The following MARCHF8 variants were observed in gnomAD, a reference collection of about 807,000 sequenced individuals.
MARCHF8 encodes membrane associated ring-CH-type finger 8, also known as E3 ubiquitin-protein ligase MARCHF8.
A neutral mutation model predicts 51.6 loss-of-function variants in MARCHF8; 40 were observed. The ratio of observed to expected loss-of-function variants is 0.77; its 90% CI spans 0.60 to 1.01. The LOEUF (loss-of-function observed/expected upper bound fraction) is 1.01. Ranked by LOEUF, MARCHF8 falls within the 50% of genes least tolerant of loss-of-function variation. MARCHF8 has a pLI of 0.00. For missense variants in MARCHF8, 685 were observed against 708.6 expected, an observed-to-expected ratio of 0.97 and a Z score of 0.38; for synonymous variants, 263 against 280.3, an observed-to-expected ratio of 0.94 and a Z score of 0.62.
In MARCHF8 at chr10:45,581,345, T is replaced by C. The variant is rs570751025; in HGVS notation, c.-79+12890A>G. Among the ~76,000 whole-genome samples the C allele has an allele frequency of 5.9e-5, 9 of 152,186 alleles. No individual in the cohort carries two copies. The South Asian group carries it at 1.7e-3, about 28-fold the overall frequency. ...TACCACAGACTGATGCATCCACTAATACAGTGGAGTCTACTGCACAGTACA... is the reference window on the plus strand; with the variant it reads ...TACCACAGACTGATGCATCCACTAACACAGTGGAGTCTACTGCACAGTACA... On this transcript the variant is annotated intron_variant, in intron 1 of 6. Coordinates refer to the MARCHF8 transcript ENST00000319836.
At chr10:45,553,398 C>A (rs1368710385) in intron 1 of MARCHF8, among the ~76,000 whole-genome samples, 2 of 152,050 alleles carry the variant, frequency 1.3e-5, no homozygotes, top group Admixed American at 1.3e-4. Context: ...AGATTACTAC[C>A]CTAGATCACA....
intron 2 of MARCHF8, among the ~76,000 whole-genome samples, chr10:45,507,992 T>C (rs1009621413): frequency 6.6e-6 from 1 of 152,186 alleles, no homozygotes; most frequent in African/African-American, 2.4e-5. Context: ...GATTCTGTTT[T>C]ACCAAAATAG....
At chr10:45,464,547 T>C (rs946081404) in intron 3 of MARCHF8, among the ~76,000 whole-genome samples, 5 of 152,268 alleles carry the variant, frequency 3.3e-5, no homozygotes, top group African/African-American at 4.8e-5. Flanking sequence ...TCTAAGGCTA[T>C]GGAACACCAC....
chr10:45,470,436 C>G (rs1843135725), intron 3 of MARCHF8, among the ~76,000 whole-genome samples: 2 of 152,306 alleles, frequency 1.3e-5, no homozygotes, highest in African/African-American at 4.8e-5. Flanking sequence ...TCTGACTTCC[C>G]TTTCTGCCAC....
intron 1 of MARCHF8, among the ~76,000 whole-genome samples, chr10:45,565,078 GAC>G (rs1170802505): frequency 3.3e-5 from 5 of 150,822 alleles, no homozygotes; most frequent in Admixed American, 2.0e-4. Context: ...TTCTTTAGAA[GAC>G]ACACGCTGGC....
At position 45,463,281 on chromosome 10, in the gene MARCHF8, T is replaced by TTGCAGA; in HGVS notation, c.952_957dup (p.Ser318_Ala319dup). ...GCCCGCAGAACCCTACTCTTCAGTT[T>TTGCAGA]TGCAGATGTGCTGTCCTCAAAGACA... On this transcript the variant is annotated inframe_insertion, in exon 5 of 8. Transcript: ENST00000453424. The TTGCAGA allele has an allele frequency of 6.4e-7, 1 of 1,551,002 alleles. No individual in the cohort carries two copies. The highest frequency in any genetic ancestry group is 8.7e-7 in the Non-Finnish European group (1 of 1,147,086).
intron 3 of MARCHF8, among the ~76,000 whole-genome samples, chr10:45,473,536 C>T (rs1160158119): frequency 6.6e-6 from 1 of 152,172 alleles, no homozygotes; most frequent in African/African-American, 2.4e-5. Flanking sequence ...GAAGGCTTCC[C>T]TGGGGATAAA....
intron 1 of MARCHF8, among the ~76,000 whole-genome samples, chr10:45,566,747 T>A (rs908836451): frequency 6.8e-6 from 1 of 146,548 alleles, no homozygotes; most frequent in Admixed American, 6.8e-5. Flanking sequence ...TGCAGGTATC[T>A]CTTTGATATA....
Position 45,455,885 on chromosome 10 carries a change from G to A in MARCHF8, c.*2354C>T, listed in dbSNP as rs139209589. The A allele has an allele frequency of 9.0e-3, 1,373 of 152,548 alleles. 16 individuals carry two copies. Among genetic ancestry groups the A allele is most frequent in the South Asian group, 0.027 (128 of 4,826 alleles). 9.4% of individuals were successfully genotyped at this position (152,548 alleles called of 1,614,324 possible). On this transcript the variant is annotated 3_prime_UTR_variant, in exon 8 of 8. Coordinates refer to ENST00000453424, the MANE Select transcript of MARCHF8 (RefSeq NM_001282866.2). ...GGAGAGGGCTTCCCATGAGAATCTG[G>A]CTGGGCATGGGAGGGATACAGGGCT...
intron 2 of MARCHF8, among the ~76,000 whole-genome samples, chr10:45,522,815 A>G (rs2043730144): frequency 6.6e-6 from 1 of 152,222 alleles, no homozygotes; most frequent in African/African-American, 2.4e-5. Context: ...GATGAAAGGG[A>G]TGACAGTTCA....
At chr10:45,499,185 G>A (rs1325289129) in intron 2 of MARCHF8, among the ~76,000 whole-genome samples, 3 of 152,072 alleles carry the variant, frequency 2.0e-5, no homozygotes, top group East Asian at 1.9e-4. Flanking sequence ...TTTGATTTGC[G>A]TTTCCCTAAT....
At chr10:45,581,470 C>CA (rs1436914560) in intron 1 of MARCHF8, among the ~76,000 whole-genome samples, 2 of 152,116 alleles carry the variant, frequency 1.3e-5, no homozygotes, top group Non-Finnish European at 2.9e-5. Flanking sequence ...CTAAGGTGAT[C>CA]AAAATTCTAC....
chr10:45,590,630 A>G (rs1242286813), intron 1 of MARCHF8, among the ~76,000 whole-genome samples: 3 of 152,254 alleles, frequency 2.0e-5, no homozygotes, highest in South Asian at 2.1e-4. Flanking sequence ...TTGCAGGAAA[A>G]AAAGTCCACA....
chr10:45,590,497 G>A (rs1458793207), intron 1 of MARCHF8, among the ~76,000 whole-genome samples: 1 of 152,102 alleles, frequency 6.6e-6, no homozygotes, highest in East Asian at 1.9e-4. Context: ...AAAGCAATTT[G>A]TATCTAGTAG....
intron 3 of MARCHF8, among the ~76,000 whole-genome samples, chr10:45,488,841 CTT>C (rs1475742602): frequency 1.3e-5 from 2 of 152,132 alleles, no homozygotes; most frequent in Non-Finnish European, 2.9e-5. Context: ...CAAATATACT[CTT>C]TTGTCTCTTG....
chr10:45,498,375 G>T (rs1416473332), intron 2 of MARCHF8, among the ~76,000 whole-genome samples: 1 of 151,976 alleles, frequency 6.6e-6, no homozygotes, highest in Non-Finnish European at 1.5e-5. Context: ...GACTACTCTA[G>T]ATACTTTATA....
chr10:45,542,087 G>A (rs1199695460), intron 1 of MARCHF8, among the ~76,000 whole-genome samples: 2 of 152,010 alleles, frequency 1.3e-5, no homozygotes, highest in African/African-American at 4.8e-5. Flanking sequence ...GGCTCATGCC[G>A]GTAATCCCAG....
chr10:45,470,801 T>A (rs1277653837), intron 3 of MARCHF8, among the ~76,000 whole-genome samples: 1 of 152,206 alleles, frequency 6.6e-6, no homozygotes, highest in Non-Finnish European at 1.5e-5. Flanking sequence ...CACTTGGTGT[T>A]TACATATTGC....
At chr10:45,572,896 T>A (rs1434668153) in intron 1 of MARCHF8, among the ~76,000 whole-genome samples, 1 of 151,980 alleles carries the variant, frequency 6.6e-6, no homozygotes. Flanking sequence ...TTCCTCAGCC[T>A]CCGCCCCGCC....
Sources: allele counts gnomAD v4.1 joint callset (sites outside exome capture counted in the v4.1 genomes callset), GRCh38; gene constraint gnomAD v4.1.1; transcripts MANE v1.5; gene names NCBI Gene and HGNC (gene_info 2026-07-23, HGNC 2026-07-21).